CARMIL2: variants seen among roughly 807,000 people sequenced by gnomAD.
CARMIL2 encodes capping protein, Arp2/3 and myosin-I linker protein 2.
A neutral mutation model predicts 173.3 loss-of-function variants in CARMIL2; 96 were observed. That is an observed-to-expected ratio of 0.55 (90% CI 0.47 to 0.66). The LOEUF is 0.66. Among genes scored for constraint, CARMIL2 ranks in the 30% least tolerant of loss-of-function variants. The pLI is 0.00. For missense variants in CARMIL2, 1,771 were observed against 1,906.7 expected (o/e 0.93, Z 1.33); for synonymous variants, 830 against 817.1 (o/e 1.02, Z -0.27).
intron 32 of CARMIL2, among the ~76,000 whole-genome samples, chr16:67,655,167 A>T (rs760171329): frequency 2.6e-4 from 39 of 152,248 alleles, no homozygotes; most frequent in Admixed American, 4.6e-4. Flanking sequence ...GCCATGGCTC[A>T]CGCCTGTAAT....
Position 67,647,771 on chromosome 16 carries a change from G to C in CARMIL2, c.958+5G>C. 7.2e-7 allele frequency: 1 copy of C among 1,381,722 alleles called. No homozygotes were observed. The highest frequency in any genetic ancestry group is 9.8e-7 in the Non-Finnish European group (1 of 1,017,968). The allele number at this position is 1,381,722 out of a possible 1,614,324, so 85.6% of individuals were successfully genotyped here. On this transcript the variant is annotated splice_donor_5th_base_variant and intron_variant, in intron 12 of 37. Coordinates refer to ENST00000334583, the MANE Select transcript of CARMIL2 (RefSeq NM_001013838.3). ...AGACAGGGTTGACACCGCGAGGTAG[G>C]CTGGATGAGGGAGGGGGTGAGGGGA...
At position 67,654,025 on chromosome 16, in the gene CARMIL2, C is replaced by A; in HGVS notation, c.3121-124C>A. ...GACAGTAGGAGGCTGGTATCAGCAG[C>A]CCCTAGGGTCACCCCAGTCTGGAAT... On this transcript the variant is annotated intron_variant, in intron 29 of 37. Coordinates refer to ENST00000334583, the MANE Select transcript of CARMIL2 (RefSeq NM_001013838.3). 3 of 654,748 alleles carry A rather than the reference C, an allele frequency of 4.6e-6. No homozygotes were observed. In the South Asian group the frequency reaches 5.5e-5, roughly 12 times the overall value. 40.6% of individuals were successfully genotyped at this position (654,748 alleles called of 1,614,324 possible). A position where few individuals can be genotyped will look rare whatever the true frequency, so the allele number is the denominator to read the frequency against.
In CARMIL2 at chr16:67,656,810, T is replaced by C; in HGVS notation, c.4046T>C (p.Leu1349Pro). 1 of 1,551,220 alleles carries C rather than the reference T, an allele frequency of 6.4e-7. No homozygotes were observed. Among genetic ancestry groups the C allele is most frequent in the Non-Finnish European group, 8.7e-7 (1 of 1,147,214 alleles). ...CLGPRNEDGQ[L>P]RPRPLSAGRR... ...CCCTGGCCTCCCTCAGATGGCCAGCTGAGGCCGAGGCCTCTCTCGGCAGGG... is the reference window on the plus strand; with the variant it reads ...CCCTGGCCTCCCTCAGATGGCCAGCCGAGGCCGAGGCCTCTCTCGGCAGGG... The change falls in exon 36 of 38, where the codon CTG becomes CCG. Residue 1349 changes from leucine (L) to proline (P), a missense_variant. By Grantham distance (98) the Leu-to-Pro change is moderately conservative (BLOSUM62 -3). Coordinates refer to ENST00000334583, the MANE Select transcript of CARMIL2 (RefSeq NM_001013838.3).
Position 67,648,851 on chromosome 16 carries a change from C to A in CARMIL2, c.1510-42C>A. The A allele has an allele frequency of 6.3e-7, 1 of 1,580,892 alleles. No individual in the cohort carries two copies. The highest frequency in any genetic ancestry group is 8.6e-7 in the Non-Finnish European group (1 of 1,163,836). On this transcript the variant is annotated intron_variant, in intron 16 of 37. Coordinates refer to ENST00000334583, the MANE Select transcript of CARMIL2 (RefSeq NM_001013838.3). This position sits in a 1 kb window ranked among gnomAD's most constrained non-coding sequence, Gnocchi z 6.1. ...CCGCCTGCCCCTCCCCACTCGCGGCCTAAGTGGGTCCCACTTCCCACCTCC... is the reference window on the plus strand; with the variant it reads ...CCGCCTGCCCCTCCCCACTCGCGGCATAAGTGGGTCCCACTTCCCACCTCC...
chr16:67,647,412 G>A (rs1433258493), intron 10 of CARMIL2, 25 bp downstream of exon 10: 1 of 1,565,552 alleles, frequency 6.4e-7, no homozygotes, highest in Admixed American at 1.9e-5. Flanking sequence ...GCAGGGCTTG[G>A]AGAGGAGAGT....
In CARMIL2 at chr16:67,657,500, C is replaced by T. The variant is rs372218831; in HGVS notation, c.4290C>T (p.Gly1430=). ...CCTCCCCAGCCACAGACCAAAGAGG[C>T]GGCGGCCCCAATCCCTGATCCTCTC... ...SPPSPATDQR[G]GGPNP The change falls in exon 38 of 38, where the codon GGC becomes GGT. Residue 1430 remains glycine (G), a synonymous_variant. Transcript: ENST00000334583. This position sits in a 1 kb window ranked among gnomAD's most constrained non-coding sequence, Gnocchi z 4.5. The T allele has an allele frequency of 2.0e-5, 33 of 1,612,626 alleles. No individual in the cohort carries two copies. In the Middle Eastern group the frequency reaches 1.6e-3, roughly 80 times the overall value.
At chr16:67,647,997 C>T (rs1474904314) in intron 13 of CARMIL2, 39 bp downstream of exon 13, 1 of 1,606,216 alleles carries the variant, frequency 6.2e-7, no homozygotes, top group African/African-American at 1.3e-5. Flanking sequence ...TGGGGTTGCT[C>T]ATAAGCCCTG....
intron 33 of CARMIL2, 54 bp downstream of exon 33, chr16:67,656,121 A>T (rs1434404663): frequency 3.1e-6 from 5 of 1,611,100 alleles, no homozygotes; most frequent in Non-Finnish European, 4.2e-6. Context: ...GTCCTTATAG[A>T]CAGCCCCCAA....
rs1206484203 is a variant in CARMIL2, at chr16:67,653,101, C to T, written c.2967C>T (p.Arg989=). 3 of 1,179,110 alleles carry T rather than the reference C, an allele frequency of 2.5e-6. No individual in the cohort carries two copies. The highest frequency in any genetic ancestry group is 3.2e-6 in the Non-Finnish European group (3 of 948,726). 73.0% of individuals were successfully genotyped at this position (1,179,110 alleles called of 1,614,324 possible). Residue 989 remains arginine (R), a synonymous_variant, in exon 29 of 38, where the codon CGC becomes CGT. Coordinates refer to ENST00000334583, the MANE Select transcript of CARMIL2 (RefSeq NM_001013838.3). This position sits in a 1 kb window ranked among gnomAD's most constrained non-coding sequence, Gnocchi z 7.4. ...AGCCGCAGGCGGGGCCGTCCGCGCGCGGCTCTCCGAGCCCTGCCGCCCCTG... is the reference window on the plus strand; with the variant it reads ...AGCCGCAGGCGGGGCCGTCCGCGCGTGGCTCTCCGAGCCCTGCCGCCCCTG... ...DAEPQAGPSA[R]GSPSPAAPGP...
Position 67,653,264 on chromosome 16 carries a change from CT to C in CARMIL2, c.3120+12del. The C allele has an allele frequency of 8.9e-7, 1 of 1,125,950 alleles. No individual in the cohort carries two copies. Among genetic ancestry groups the C allele is most frequent in the Non-Finnish European group, 1.1e-6 (1 of 914,230 alleles). 69.7% of individuals were successfully genotyped at this position (1,125,950 alleles called of 1,614,324 possible). ...GCCGGGGGGCCCCCAGGTGAGCACCCTTCCCCCACTCCGGAGCGCGTGGAAT... is the reference window on the plus strand; with the variant it reads ...GCCGGGGGGCCCCCAGGTGAGCACCCTCCCCCACTCCGGAGCGCGTGGAAT... On this transcript the variant is annotated intron_variant, in intron 29 of 37. Transcript: ENST00000334583. The surrounding 1 kb of genome is among the most constrained non-coding windows in gnomAD (Gnocchi z 7.4).
chr16:67,648,867 T>TC lies in CARMIL2; in HGVS notation c.1510-23dup. On this transcript the variant is annotated intron_variant, in intron 16 of 37. Transcript: ENST00000334583. This position sits in a 1 kb window ranked among gnomAD's most constrained non-coding sequence, Gnocchi z 6.1. ...ACTCGCGGCCTAAGTGGGTCCCACT[T>TC]CCCACCTCCCACCTCCCACATACAG... is the stretch of plus-strand genomic sequence containing the variant. The TC allele has an allele frequency of 6.3e-7, 1 of 1,591,694 alleles. No homozygotes were observed. The highest frequency in any genetic ancestry group is 8.5e-7 in the Non-Finnish European group (1 of 1,169,826).
intron 1 of CARMIL2, 122 bp downstream of exon 1, chr16:67,645,408 G>A: frequency 2.2e-6 from 3 of 1,364,716 alleles, no homozygotes; most frequent in East Asian, 2.5e-5. Context: ...AGGAGGGCAG[G>A]CGCCCCAGAT....
chr16:67,652,406 G>A lies in CARMIL2; in HGVS notation c.2818-66G>A, dbSNP rs1191834596. ...CCCATCTTGCTGTGGAGTGTGGAAG[G>A]TGAAAGGCAGCTCTTTTGGGTTGGT... On this transcript the variant is annotated intron_variant, in intron 27 of 37. Transcript: ENST00000334583. The surrounding 1 kb of genome is among the most constrained non-coding windows in gnomAD (Gnocchi z 4.7). 6.2e-7 allele frequency: 1 copy of A among 1,611,600 alleles called. No homozygotes were observed. Among genetic ancestry groups the A allele is most frequent in the African/African-American group, 1.3e-5 (1 of 74,874 alleles).
rs1015497757 is a variant in CARMIL2 at position 67,651,181 on chromosome 16, C to T, written c.2185-6C>T. Reference sequence around the variant, plus strand: ...TAGGCTGAGACTGATCCCCATTTCGCCCCAGGAAGTGAATGAATTGTGTCA... The same window carrying T: ...TAGGCTGAGACTGATCCCCATTTCGTCCCAGGAAGTGAATGAATTGTGTCA... On this transcript the variant is annotated splice_region_variant and splice_polypyrimidine_tract_variant and intron_variant, in intron 22 of 37. Coordinates refer to ENST00000334583, the MANE Select transcript of CARMIL2 (RefSeq NM_001013838.3). This position sits in a 1 kb window ranked among gnomAD's most constrained non-coding sequence, Gnocchi z 4.2. 1 of 1,612,128 alleles carries T rather than the reference C, an allele frequency of 6.2e-7. No homozygotes were observed. The highest frequency in any genetic ancestry group is 1.3e-5 in the African/African-American group (1 of 75,018).
rs932626972 is a variant in CARMIL2 at position 67,647,370 on chromosome 16, G to C, written c.759G>C (p.Glu253Asp). ...QSSHLEELVL[E>D]TCSLRGDFVR... ...CACACCTGGAGGAGCTGGTGCTGGA[G>C]ACCTGCAGCCTGAGGGGGTGAGGGG... The change falls in exon 10 of 38, where the codon GAG (glutamate) becomes GAC (aspartate). Residue 253 changes from glutamate to aspartate, a missense_variant. Glu to Asp is a conservative substitution (Grantham distance 45, BLOSUM62 2). This residue lies in a region of CARMIL2 where 944 missense variants were observed against 975.6 expected (regional missense o/e 0.97). Coordinates refer to ENST00000334583, the MANE Select transcript of CARMIL2 (RefSeq NM_001013838.3). 2.8e-5 allele frequency: 45 copies of C among 1,580,314 alleles called. No individual in the cohort carries two copies. Among genetic ancestry groups the C allele is most frequent in the Non-Finnish European group, 3.8e-5 (44 of 1,163,062 alleles).
In CARMIL2 at chr16:67,645,261, C is replaced by T. The variant is rs762560313; in HGVS notation, c.15C>T (p.Pro5=). Residue 5 remains proline (P), a synonymous_variant, in exon 1 of 38, where the codon CCC becomes CCT. Coordinates refer to ENST00000334583, the MANE Select transcript of CARMIL2 (RefSeq NM_001013838.3). MAQT[P]DGISCELRGE... is the part of the protein sequence containing the mutation. ...CCGCCCGGCCCATGGCCCAGACCCC[C>T]GACGGCATCTCCTGTGAGCTCCGAG... 46 of 1,602,584 alleles carry T rather than the reference C, an allele frequency of 2.9e-5. No individual in the cohort carries two copies. The highest frequency in any genetic ancestry group is 2.6e-4 in the South Asian group (23 of 89,038).
chr16:67,647,806 G>GGGGGGGGGGGGGGGGGGGGGGGGGGGGGC, intron 12 of CARMIL2, 40 bp downstream of exon 12: 1 of 570,090 alleles, frequency 1.8e-6, no homozygotes. Flanking sequence ...AGGGGGGTGG[G>GGGGGGGGGGGGGGGGGGGGGGGGGGGGGC]GGTCTGTCCA....
Position 67,648,024 on chromosome 16 carries a change from C to T in CARMIL2, c.1072-28C>T. ...TAAGCCCTGGGTAGGCGATCCCCCA[C>T]TCCATCGCACCCCTGTCCTCCCTCC... On this transcript the variant is annotated intron_variant, in intron 13 of 37. Transcript: ENST00000334583. The surrounding 1 kb of genome is among the most constrained non-coding windows in gnomAD (Gnocchi z 6.1). 6.2e-7 allele frequency: 1 copy of T among 1,608,908 alleles called. No individual in the cohort carries two copies. The highest frequency in any genetic ancestry group is 1.1e-5 in the South Asian group (1 of 89,944).
chr16:67,648,761 G>A lies in CARMIL2; in HGVS notation c.1509+7G>A, dbSNP rs374108577. On this transcript the variant is annotated splice_region_variant and intron_variant, in intron 16 of 37. Transcript: ENST00000334583. This position sits in a 1 kb window ranked among gnomAD's most constrained non-coding sequence, Gnocchi z 6.1. ...GGACCTCAGCGCTTGCGAGGTGAGC[G>A]CCGGCCCCCAGAAGAGACCACACAT... 6.3e-7 allele frequency: 1 copy of A among 1,597,988 alleles called. No homozygotes were observed. Among genetic ancestry groups the A allele is most frequent in the Non-Finnish European group, 8.5e-7 (1 of 1,172,998 alleles).
Sources: gnomAD v4.1 joint callset for allele counts (sites outside exome capture counted in the v4.1 genomes callset) on GRCh38, gnomAD v4.1.1 for gene constraint, gnomAD v4.1.1 regional missense constraint, Gnocchi (gnomAD v3.1) non-coding constraint, MANE v1.5 for transcripts, NCBI Gene and HGNC (gene_info 2026-07-23, HGNC 2026-07-21) for gene names.